Variants in LRP2 observed in about 807,000 individuals in gnomAD.
LRP2 encodes low-density lipoprotein receptor-related protein 2.
LRP2 carries 172 observed loss-of-function variants against 531.0 expected under a neutral mutation model. That is an observed-to-expected ratio of 0.32 (90% CI 0.29 to 0.37). The LOEUF (loss-of-function observed/expected upper bound fraction) is 0.37. Among genes scored for constraint, LRP2 ranks in the 10% least tolerant of loss-of-function variants. LRP2 has a pLI of 1.00. For missense variants in LRP2, 5,167 were observed against 5,868.3 expected (o/e 0.88, Z 3.90); for synonymous variants, 1,992 against 2,027.6 (o/e 0.98, Z 0.47).
At chr2:169,297,173 G>A (rs574013345) in intron 4 of LRP2, among the ~76,000 whole-genome samples, 30 of 152,276 alleles carry the variant, frequency 2.0e-4, no homozygotes, top group African/African-American at 6.7e-4. Flanking sequence ...TCAACACTGA[G>A]CAAAGAAAGA....
At chr2:169,360,854 T>C (rs961612733) in intron 1 of LRP2, among the ~76,000 whole-genome samples, 2 of 152,214 alleles carry the variant, frequency 1.3e-5, no homozygotes, top group African/African-American at 2.4e-5. Flanking sequence ...TAGGAGTTGC[T>C]GTATAATTAC....
intron 66 of LRP2, among the ~76,000 whole-genome samples, chr2:169,154,186 C>G (rs1054700226): frequency 6.6e-6 from 1 of 152,064 alleles, no homozygotes; most frequent in African/African-American, 2.4e-5. Context: ...TCTGCAGTAT[C>G]AAGGACAAGG....
intron 2 of LRP2, 111 bp from the exon 3 acceptor site, chr2:169,318,995 G>C: frequency 7.3e-7 from 1 of 1,368,452 alleles, no homozygotes; most frequent in Non-Finnish European, 1.0e-6. Flanking sequence ...CAATTTATTT[G>C]AAGGCAAATA....
intron 10 of LRP2, among the ~76,000 whole-genome samples, chr2:169,282,513 C>T (rs566959254): frequency 2.6e-5 from 4 of 152,260 alleles, no homozygotes; most frequent in South Asian, 2.1e-4. Context: ...AGATAGTTGT[C>T]GCCTACTTTT....
At chr2:169,147,064 G>C (rs2105348874) in intron 68 of LRP2, 105 bp from the exon 69 acceptor site, 3 of 886,420 alleles carry the variant, frequency 3.4e-6, no homozygotes, top group Middle Eastern at 4.3e-4. Flanking sequence ...TTTATCTCAG[G>C]GACCTGGGTG....
chr2:169,326,097 A>C (rs1462360903), intron 1 of LRP2, among the ~76,000 whole-genome samples: 1 of 149,632 alleles, frequency 6.7e-6, no homozygotes, highest in African/African-American at 2.5e-5. Context: ...CAGTGGAAGA[A>C]AAAAGAAAAA....
intron 1 of LRP2, among the ~76,000 whole-genome samples, chr2:169,350,254 G>C (rs1166334240): frequency 6.6e-6 from 1 of 152,132 alleles, no homozygotes; most frequent in African/African-American, 2.4e-5. Context: ...GACATTAGTG[G>C]AGATCAGGAG....
intron 36 of LRP2, 124 bp downstream of exon 36, chr2:169,213,533 G>A (rs1688670285): frequency 3.5e-6 from 3 of 851,684 alleles, no homozygotes; most frequent in Non-Finnish European, 6.0e-6. Flanking sequence ...AATATTTCAG[G>A]TAACTTCAAT....
chr2:169,156,180 A>G, intron 65 of LRP2, 94 bp downstream of exon 65: 4 of 1,545,780 alleles, frequency 2.6e-6, no homozygotes, highest in Non-Finnish European at 3.5e-6. Flanking sequence ...GAAAAGAAAA[A>G]CTATGAGAAG....
rs1171046091 is a variant in LRP2 at position 169,256,169 on chromosome 2, C to T, written c.2707G>A (p.Asp903Asn). Residue 903 changes from aspartate (D) to asparagine (N), a missense_variant, in exon 19 of 79, where the codon GAC becomes AAC. By Grantham distance (23) the Asp-to-Asn change is conservative. Transcript: ENST00000649046. Reference protein sequence around the residue: ...KIEHSTFDGLDRRRLGHIEQM... With the variant: ...KIEHSTFDGLNRRRLGHIEQM... ...TCTATATGGCCCAGTCTTCTTCTGT[C>T]TAAACCATCAAAGGTGCTGTGCTCA... 1 of 1,612,886 alleles carries T rather than the reference C, an allele frequency of 6.2e-7. No individual in the cohort carries two copies. The highest frequency in any genetic ancestry group is 8.5e-7 in the Non-Finnish European group (1 of 1,179,242).
intron 3 of LRP2, among the ~76,000 whole-genome samples, chr2:169,308,699 T>C (rs191630536): frequency 2.2e-4 from 33 of 152,338 alleles, no homozygotes; most frequent in African/African-American, 7.7e-4. Flanking sequence ...GCATGTGTCT[T>C]TATAGCAGCA....
chr2:169,309,810 T>A (rs1684541078), intron 3 of LRP2, among the ~76,000 whole-genome samples: 1 of 152,224 alleles, frequency 6.6e-6, no homozygotes, highest in Admixed American at 6.5e-5. Context: ...TAAATTACCT[T>A]GGGCAGTATG....
At position 169,207,185 on chromosome 2, in the gene LRP2, T is replaced by C. The variant is rs1199700566; in HGVS notation, c.6535A>G (p.Thr2179Ala). 2.5e-6 allele frequency: 4 copies of C among 1,612,054 alleles called. No homozygotes were observed. The highest frequency in any genetic ancestry group is 1.1e-5 in the South Asian group (1 of 90,986). ...TLIEVLRINT[T>A]YRRVLLKVTV... ...ACTTTAAGAAGAACACGGCGGTAAG[T>C]AGTATTGATCCGCAGAACTTCTATC... The change falls in exon 39 of 79, where the codon ACT (threonine) becomes GCT (alanine). Residue 2179 changes from threonine to alanine, a missense_variant. Around this residue, in one of 6 missense-constraint regions of LRP2, gnomAD observed 2,811 missense variants for 3,058.0 expected, o/e 0.92. Coordinates refer to ENST00000649046, the MANE Select transcript of LRP2 (RefSeq NM_004525.3).
intron 76 of LRP2, among the ~76,000 whole-genome samples, chr2:169,133,277 A>C (rs1043134687): frequency 6.6e-6 from 1 of 152,218 alleles, no homozygotes; most frequent in African/African-American, 2.4e-5. Flanking sequence ...TTTAAGACCA[A>C]ATTACCATGA....
intron 31 of LRP2, among the ~76,000 whole-genome samples, chr2:169,230,119 A>G (rs1689347825): frequency 6.6e-6 from 1 of 152,230 alleles, no homozygotes; most frequent in Admixed American, 6.5e-5. Flanking sequence ...ACTATTTAAA[A>G]TTAACACTTA....
intron 28 of LRP2, among the ~76,000 whole-genome samples, 175 bp from the exon 29 acceptor site, chr2:169,236,243 A>G (rs1264983978): frequency 1.3e-5 from 2 of 152,240 alleles, no homozygotes; most frequent in African/African-American, 4.8e-5. Context: ...TAAAACTGTC[A>G]TAACACAATC....
chr2:169,340,317 G>C (rs1685530671), intron 1 of LRP2, among the ~76,000 whole-genome samples: 1 of 152,106 alleles, frequency 6.6e-6, no homozygotes, highest in Non-Finnish European at 1.5e-5. Flanking sequence ...AAGATGTGCA[G>C]TGTCACCCGA....
At chr2:169,237,576 C>A (rs1689652082) in intron 27 of LRP2, among the ~76,000 whole-genome samples, 1 of 152,122 alleles carries the variant, frequency 6.6e-6, no homozygotes, top group African/African-American at 2.4e-5. Flanking sequence ...AAAGCTCTAT[C>A]CATTTGCTTA....
chr2:169,337,011 G>A (rs1685423432), intron 1 of LRP2, among the ~76,000 whole-genome samples: 1 of 152,112 alleles, frequency 6.6e-6, no homozygotes, highest in African/African-American at 2.4e-5. Flanking sequence ...GACGATTAGA[G>A]CCTTATCTAG....
Sources: allele counts gnomAD v4.1 joint callset (sites outside exome capture counted in the v4.1 genomes callset), GRCh38; gene constraint gnomAD v4.1.1; regional missense constraint gnomAD v4.1.1; transcripts MANE v1.5; gene names NCBI Gene and HGNC (gene_info 2026-07-23, HGNC 2026-07-21).